Variants in HEATR5A observed in about 807,000 individuals in gnomAD.
The protein encoded by HEATR5A is HEAT repeat-containing protein 5A.
Under a neutral mutation model 218.8 loss-of-function variants are expected in HEATR5A, and 178 were observed. The observed-to-expected ratio is 0.81, with a 90% CI of 0.72 to 0.92. HEATR5A has a LOEUF of 0.92. HEATR5A is among the 40% of genes least tolerant of loss of function. The probability of loss-of-function intolerance (pLI) is 0.00; values close to 1 mark genes in which losing one functional copy is unlikely to be tolerated. For synonymous variants in HEATR5A, 864 were observed against 871.6 expected, an observed-to-expected ratio of 0.99 and a Z score of 0.15; for missense variants, 2,420 against 2,418.9, an observed-to-expected ratio of 1.00 and a Z score of -0.01.
intron 21 of HEATR5A, among the ~76,000 whole-genome samples, chr14:31,339,107 CTG>C (rs1269209862): frequency 6.9e-6 from 1 of 145,126 alleles, no homozygotes; most frequent in African/African-American, 2.6e-5. Context: ...GCGACACAGA[CTG>C]TGTCTCAGGA....
chr14:31,342,116 G>T (rs533736665), intron 21 of HEATR5A, among the ~76,000 whole-genome samples: 7 of 152,230 alleles, frequency 4.6e-5, no homozygotes, highest in African/African-American at 1.7e-4. Context: ...GCTAGGCATG[G>T]TGGCTCACAC....
chr14:31,307,847 CT>C (rs1221068686), intron 30 of HEATR5A, 45 bp downstream of exon 30: 7 of 1,582,654 alleles, frequency 4.4e-6, no homozygotes, highest in Non-Finnish European at 6.0e-6. Flanking sequence ...GTTTCTCTTC[CT>C]TAAAGACTAC....
At chr14:31,301,316 C>T (rs867289885) in intron 33 of HEATR5A, among the ~76,000 whole-genome samples, 9 of 152,024 alleles carry the variant, frequency 5.9e-5, no homozygotes, top group African/African-American at 1.4e-4. Context: ...AGTGCAGTGG[C>T]GCAACCTTGG....
At chr14:31,354,626 A>C (rs1389698185) in intron 16 of HEATR5A, among the ~76,000 whole-genome samples, 1 of 152,204 alleles carries the variant, frequency 6.6e-6, no homozygotes, top group African/African-American at 2.4e-5. Context: ...TTTGGAATGA[A>C]ATGATAGGTA....
At chr14:31,307,785 G>T in intron 30 of HEATR5A, 108 bp downstream of exon 30, 1 of 1,312,424 alleles carries the variant, frequency 7.6e-7, no homozygotes, top group Non-Finnish European at 1.0e-6. Flanking sequence ...GTATGGTTTA[G>T]AAAAAAAATT....
At chr14:31,382,198 A>C (rs1233574229) in intron 10 of HEATR5A, among the ~76,000 whole-genome samples, 1 of 152,256 alleles carries the variant, frequency 6.6e-6, no homozygotes, top group Non-Finnish European at 1.5e-5. Flanking sequence ...AATACATTGA[A>C]TGACAAGTCT....
intron 16 of HEATR5A, 80 bp downstream of exon 16, chr14:31,358,557 C>G: frequency 8.1e-7 from 1 of 1,230,300 alleles, no homozygotes. Flanking sequence ...AAATCATTTA[C>G]GCTAATGAGA....
chr14:31,293,174 G>T lies in HEATR5A; in HGVS notation c.*131C>A. On this transcript the variant is annotated 3_prime_UTR_variant, in exon 36 of 36. Transcript: ENST00000543095. Reference sequence around the variant, plus strand: ...GTTAAGTATGCTGTTACTTTGAAGAGTCACAGCTATTTAAGGTAAAACAAT... The same window carrying T: ...GTTAAGTATGCTGTTACTTTGAAGATTCACAGCTATTTAAGGTAAAACAAT... The T allele has an allele frequency of 3.1e-6, 2 of 635,928 alleles. No homozygotes were observed. The highest frequency in any genetic ancestry group is 5.3e-6 in the Non-Finnish European group (2 of 378,646). 39.4% of individuals were successfully genotyped at this position (635,928 alleles called of 1,614,324 possible).
At chr14:31,352,616 G>C (rs1258526226) in intron 16 of HEATR5A, among the ~76,000 whole-genome samples, 1 of 152,114 alleles carries the variant, frequency 6.6e-6, no homozygotes, top group Non-Finnish European at 1.5e-5. Flanking sequence ...GAGGCTATGT[G>C]TACATCATAA....
In HEATR5A at chr14:31,415,647, GTTT is replaced by G. The variant is rs529519312; in HGVS notation, c.-75+4822_-75+4824del. On this transcript the variant is annotated intron_variant, in intron 1 of 35. Transcript: ENST00000543095. ...TTTTTTCTGATTTCCTCCCAAAATA[GTTT>G]TTTAAGAGTTTTGGTGATTCAATGG... Among the ~76,000 whole-genome samples the G allele has an allele frequency of 1.9e-3, 292 of 152,176 alleles. 2 individuals carry two copies. The highest frequency in any genetic ancestry group is 6.4e-3 in the African/African-American group (264 of 41,518).
intron 16 of HEATR5A, among the ~76,000 whole-genome samples, chr14:31,357,349 G>A (rs1901459098): frequency 6.6e-6 from 1 of 152,174 alleles, no homozygotes; most frequent in African/African-American, 2.4e-5. Flanking sequence ...AAGGTAAATT[G>A]TCTAACTGGT....
intron 11 of HEATR5A, among the ~76,000 whole-genome samples, chr14:31,379,106 T>C (rs1483312820): frequency 6.6e-6 from 1 of 150,740 alleles, no homozygotes; most frequent in African/African-American, 2.4e-5. Flanking sequence ...CATGTCTGGC[T>C]AATTTTTGTA....
chr14:31,327,873 C>A (rs1251055686), intron 22 of HEATR5A, among the ~76,000 whole-genome samples: 1 of 152,310 alleles, frequency 6.6e-6, no homozygotes, highest in Middle Eastern at 3.4e-3. Flanking sequence ...AGGACAAATA[C>A]ATTTTCTCTT....
chr14:31,392,544 T>A (rs2030493591), intron 6 of HEATR5A, among the ~76,000 whole-genome samples: 1 of 152,222 alleles, frequency 6.6e-6, no homozygotes. Flanking sequence ...GATTCCTGAA[T>A]AATCACTATT....
Position 31,379,751 on chromosome 14 carries a change from C to T in HEATR5A, c.1708+716G>A, listed in dbSNP as rs191409423. 9.7e-4 allele frequency among the ~76,000 whole-genome samples: 148 copies of T among 152,142 alleles called. 1 individual carries two copies. Among genetic ancestry groups the T allele is most frequent in the African/African-American group, 3.3e-3 (138 of 41,520 alleles). ...GAAGGACTGCTTGAGCCCACAAGTT[C>T]GAGACGAGCCTGGGCAACATAGTGA... is the stretch of plus-strand genomic sequence containing the variant. On this transcript the variant is annotated intron_variant, in intron 11 of 35. Transcript: ENST00000543095.
At chr14:31,401,846 T>C (rs1436297764) in intron 2 of HEATR5A, among the ~76,000 whole-genome samples, 1 of 152,172 alleles carries the variant, frequency 6.6e-6, no homozygotes, top group African/African-American at 2.4e-5. Flanking sequence ...AATTTTCTTT[T>C]TGCAAGCTTA....
At chr14:31,297,315 A>C (rs1178281313) in intron 33 of HEATR5A, 1 of 151,850 alleles carries the variant, frequency 6.6e-6, no homozygotes, top group Admixed American at 6.6e-5. Context: ...AAAACAAAAC[A>C]AACATCACAC....
Position 31,291,945 on chromosome 14 carries a change from C to T in HEATR5A, c.*1360G>A, listed in dbSNP as rs552460056. On this transcript the variant is annotated 3_prime_UTR_variant, in exon 36 of 36. Transcript: ENST00000543095. The stretch of plus-strand genomic sequence containing the variant: ...TTGTTCTTGCTTCAAAATGTCTTCT[C>T]AATTCTGACATGCTTCTATCACTTC... 49 of 152,248 alleles carry T rather than the reference C, an allele frequency of 3.2e-4. No individual in the cohort carries two copies. Among genetic ancestry groups the T allele is most frequent in the African/African-American group, 1.1e-3 (47 of 41,550 alleles). The allele number at this position is 152,248 out of a possible 1,614,324, so 9.4% of individuals were successfully genotyped here.
chr14:31,355,038 T>C (rs1018725154), intron 16 of HEATR5A, among the ~76,000 whole-genome samples: 1 of 152,212 alleles, frequency 6.6e-6, no homozygotes, highest in Non-Finnish European at 1.5e-5. Context: ...ATAATTCCAA[T>C]GTGCAAGTCA....
Sources: gnomAD v4.1 joint callset for allele counts (sites outside exome capture counted in the v4.1 genomes callset) on GRCh38, gnomAD v4.1.1 for gene constraint, MANE v1.5 for transcripts, NCBI Gene and HGNC (gene_info 2026-07-23, HGNC 2026-07-21) for gene names.